The following USB1 variants were observed in gnomAD, a reference collection of about 807,000 sequenced individuals.
USB1 encodes U6 snRNA biogenesis phosphodiesterase 1.
USB1 carries 21 observed loss-of-function variants against 29.9 expected under a neutral mutation model. The observed-to-expected ratio is 0.70, with a 90% CI of 0.50 to 1.01. The LOEUF is 1.01. Among genes scored for constraint, USB1 ranks in the 50% least tolerant of loss-of-function variants. The pLI is 0.00. For synonymous variants in USB1, 143 were observed against 134.9 expected, an observed-to-expected ratio of 1.06 and a Z score of -0.42; for missense variants, 330 against 347.1, an observed-to-expected ratio of 0.95 and a Z score of 0.39.
rs1425789874 is a variant in USB1, at chr16:58,017,397, G to A, written c.567G>A (p.Val189=). 1 of 1,614,194 alleles carries A rather than the reference G, an allele frequency of 6.2e-7. No individual in the cohort carries two copies. Among genetic ancestry groups the A allele is most frequent in the Non-Finnish European group, 8.5e-7 (1 of 1,180,028 alleles). ...HAQFLDLVSE[V]DRVMEEFNLT... The stretch of plus-strand genomic sequence containing the variant: ...AGTTCCTGGACCTGGTTTCAGAGGT[G>A]GACAGAGTCATGGAGGAATTCAACC... The change falls in exon 5 of 7, where the codon GTG becomes GTA. Residue 189 remains valine (V), a synonymous_variant. Coordinates refer to ENST00000219281, the MANE Select transcript of USB1 (RefSeq NM_024598.4).
rs774223335 is a variant in USB1, at chr16:58,014,324, C to T, written c.501C>T (p.Thr167=). ...AGATTTACACCAATCAAGAGAAAAC[C>T]AGGTGGGTCCTCCCAACCCCCAATC... The part of the protein sequence containing the change: ...QVKIYTNQEK[T]RTFIGLEVTS... The change falls in exon 4 of 7, where the codon ACC becomes ACT. Residue 167 remains threonine, a splice_region_variant and synonymous_variant. Coordinates refer to ENST00000219281, the MANE Select transcript of USB1 (RefSeq NM_024598.4). The T allele has an allele frequency of 1.2e-6, 2 of 1,613,316 alleles. No individual in the cohort carries two copies. The highest frequency in any genetic ancestry group is 1.1e-5 in the South Asian group (1 of 91,050).
At chr16:58,000,370 C>T (rs1963143512), upstream of USB1, 1 of 150,044 alleles carries the variant, frequency 6.7e-6, no homozygotes, top group Admixed American at 6.6e-5. This position sits in a 1 kb window ranked among gnomAD's most constrained non-coding sequence, Gnocchi z 4.5. Context: ...GGGTGGCCCC[C>T]AGATGCGGCC....
intron 4 of USB1, 156 bp from the exon 5 acceptor site, chr16:58,017,178 G>A: frequency 1.4e-6 from 1 of 705,992 alleles, no homozygotes; most frequent in Non-Finnish European, 2.6e-6. Flanking sequence ...AGGACTGAGA[G>A]AGTTGGCTCA....
intron 4 of USB1, 185 bp from the exon 5 acceptor site, chr16:58,017,149 T>C (rs943570654): frequency 1.9e-4 from 119 of 639,516 alleles, no homozygotes; most frequent in Non-Finnish European, 3.0e-4. Context: ...GAAAGGAAGA[T>C]TTACAGACAG....
chr16:58,012,005 G>A, intron 3 of USB1: 5 of 1,143,978 alleles, frequency 4.4e-6, no homozygotes, highest in Non-Finnish European at 5.4e-6. Flanking sequence ...TTTTTCAAAT[G>A]AGGTGTTGCA....
intron 4 of USB1, 85 bp downstream of exon 4, chr16:58,014,411 C>A: frequency 7.9e-7 from 1 of 1,260,362 alleles, no homozygotes; most frequent in Non-Finnish European, 1.2e-6. Flanking sequence ...CTTGTTTGTC[C>A]CATTTTTTGT....
rs573355631 is a variant in USB1, at chr16:58,001,925, A to G, written c.98+344A>G. 3.9e-5 allele frequency among the ~76,000 whole-genome samples: 6 copies of G among 152,328 alleles called. No homozygotes were observed. The East Asian group carries it at 1.2e-3, about 29-fold the overall frequency. ...GCGATAGTAATACTTGCTAAAGCGT[A>G]GGGAGAGCCTTTTCATTCATCCAGT... is the stretch of plus-strand genomic sequence containing the variant. On this transcript the variant is annotated intron_variant, in intron 1 of 6. Transcript: ENST00000219281.
rs777169639 is a variant in USB1 at position 58,020,249 on chromosome 16, C to A, written c.*4C>A. On this transcript the variant is annotated 3_prime_UTR_variant, in exon 7 of 7. Coordinates refer to ENST00000219281, the MANE Select transcript of USB1 (RefSeq NM_024598.4). Reference sequence around the variant, plus strand: ...CTTCTCGATGCCTTTGAAGTGAGCACCAGAGGCCTTCCTCCTCCAGGGCCC... The same window carrying A: ...CTTCTCGATGCCTTTGAAGTGAGCAACAGAGGCCTTCCTCCTCCAGGGCCC... 35 of 1,613,788 alleles carry A rather than the reference C, an allele frequency of 2.2e-5. No homozygotes were observed. Among genetic ancestry groups the A allele is most frequent in the Non-Finnish European group, 2.9e-5 (34 of 1,179,670 alleles).
In USB1 at chr16:58,014,111, C is replaced by T; in HGVS notation, c.450-162C>T. The T allele has an allele frequency of 4.7e-6, 3 of 644,132 alleles. 1 individual carries two copies. Among genetic ancestry groups the T allele is most frequent in the South Asian group, 3.8e-5 (2 of 52,504 alleles). 39.9% of individuals were successfully genotyped at this position (644,132 alleles called of 1,614,324 possible). On this transcript the variant is annotated intron_variant, in intron 3 of 6. Coordinates refer to ENST00000219281, the MANE Select transcript of USB1 (RefSeq NM_024598.4). ...GGTGATTTTAAGGTCTTGTCCAGCT[C>T]TAATGTTTAAGGTTCAGTATACCAC...
chr16:58,004,527 G>T (rs780190892), intron 2 of USB1, among the ~76,000 whole-genome samples: 22 of 152,028 alleles, frequency 1.4e-4, no homozygotes, highest in Non-Finnish European at 2.8e-4. Flanking sequence ...CAATCCTCTG[G>T]CCTCAGCCTC....
chr16:58,019,019 TCTCCAGCTGGA>T lies in USB1; in HGVS notation c.658_668del (p.Leu220GlyfsTer15). The T allele has an allele frequency of 6.2e-7, 1 of 1,614,078 alleles. No homozygotes were observed. The highest frequency in any genetic ancestry group is 8.5e-7 in the Non-Finnish European group (1 of 1,180,016). ...TGGCCTGGTGTGTGGGTGATGCACG[TCTCCAGCTGGA>T]GGGGCAGTGCCTGCAGGAACTACAG... On this transcript the variant is annotated frameshift_variant, in exon 6 of 7. Coordinates refer to ENST00000219281, the MANE Select transcript of USB1 (RefSeq NM_024598.4). LOFTEE classifies it high-confidence loss of function.
intron 3 of USB1, among the ~76,000 whole-genome samples, chr16:58,010,340 T>G (rs1031973548): frequency 2.0e-5 from 3 of 152,182 alleles, no homozygotes; most frequent in African/African-American, 7.2e-5. Flanking sequence ...AGCCAGCTGT[T>G]TTTCTGTAAG....
chr16:58,007,574 G>GT (rs1203590168), intron 2 of USB1, among the ~76,000 whole-genome samples: 4 of 152,088 alleles, frequency 2.6e-5, no homozygotes, highest in Non-Finnish European at 5.9e-5. Flanking sequence ...TAAAGACACA[G>GT]TTTCGCCATG....
chr16:58,009,830 C>G, intron 2 of USB1, 99 bp from the exon 3 acceptor site: 1 of 1,408,408 alleles, frequency 7.1e-7, no homozygotes, highest in Admixed American at 1.7e-5. Flanking sequence ...TCCCCAAACC[C>G]AGAGTAATAA....
Position 58,009,919 on chromosome 16 carries a change from T to C in USB1, c.266-10T>C. 4 of 1,613,794 alleles carry C rather than the reference T, an allele frequency of 2.5e-6. No homozygotes were observed. The highest frequency in any genetic ancestry group is 1.1e-5 in the South Asian group (1 of 91,058). Reference sequence around the variant, plus strand: ...GAGAACGGCCCGCCCTCTTTACTCCTCCCCTCCAGATGAAGCCAAGGAGGA... The same window carrying C: ...GAGAACGGCCCGCCCTCTTTACTCCCCCCCTCCAGATGAAGCCAAGGAGGA... On this transcript the variant is annotated splice_polypyrimidine_tract_variant and intron_variant, in intron 2 of 6. Coordinates refer to ENST00000219281, the MANE Select transcript of USB1 (RefSeq NM_024598.4).
Position 58,001,451 on chromosome 16 carries a change from T to C in USB1, c.-33T>C. The C allele has an allele frequency of 6.4e-7, 1 of 1,574,512 alleles. No homozygotes were observed. Among genetic ancestry groups the C allele is most frequent in the Non-Finnish European group, 8.6e-7 (1 of 1,161,098 alleles). Reference sequence around the variant, plus strand: ...TCCGGGTGCCGGTTGAGGTTGCTGGTGGACCTGCTCTGGTGGTCTTGGATG... The same window carrying C: ...TCCGGGTGCCGGTTGAGGTTGCTGGCGGACCTGCTCTGGTGGTCTTGGATG... On this transcript the variant is annotated 5_prime_UTR_variant, in exon 1 of 7. Transcript: ENST00000219281.
chr16:58,012,511 T>C, intron 3 of USB1: 1 of 1,221,126 alleles, frequency 8.2e-7, no homozygotes. Context: ...CTCTGTCCCC[T>C]TCCTTTGTCA....
In USB1 at chr16:58,013,409, C is replaced by G. The variant is rs926717050; in HGVS notation, c.450-864C>G. The G allele has an allele frequency of 8.8e-5, 87 of 985,344 alleles. 1 individual carries two copies. The highest frequency in any genetic ancestry group is 5.2e-5 in the African/African-American group (3 of 57,234). 61.0% of individuals were successfully genotyped at this position (985,344 alleles called of 1,614,324 possible). ...CCTTGGGCAGATTGTGAGGCTCTAC[C>G]CAGCATGCTGGTATATTATGTTCCC... On this transcript the variant is annotated intron_variant, in intron 3 of 6. Coordinates refer to ENST00000219281, the MANE Select transcript of USB1 (RefSeq NM_024598.4). The surrounding 1 kb of genome is among the most constrained non-coding windows in gnomAD (Gnocchi z 4.3).
chr16:58,000,983 C>G (rs1346207091), upstream of USB1, among the ~76,000 whole-genome samples: 1 of 152,208 alleles, frequency 6.6e-6, no homozygotes, highest in Admixed American at 6.5e-5. The surrounding 1 kb of genome is among the most constrained non-coding windows in gnomAD (Gnocchi z 4.5). Context: ...CCTAGAGGCT[C>G]TGGTCTGCCA....
Sources: gnomAD v4.1 joint callset for allele counts (sites outside exome capture counted in the v4.1 genomes callset) on GRCh38, gnomAD v4.1.1 for gene constraint, Gnocchi (gnomAD v3.1) non-coding constraint, MANE v1.5 for transcripts, NCBI Gene and HGNC (gene_info 2026-07-23, HGNC 2026-07-21) for gene names.